TMEM272: variants seen among roughly 807,000 people sequenced by gnomAD.
TMEM272 encodes the protein transmembrane protein 272.
TMEM272 carries 8 observed loss-of-function variants against 3.7 expected under a neutral mutation model. The observed-to-expected ratio is 2.17, with a 90% CI of 1.27 to 3.91. The LOEUF is 3.91. Among genes scored for constraint, TMEM272 ranks in the 30% most tolerant of loss-of-function variants. TMEM272 has a pLI of 0.00. For synonymous variants in TMEM272, 63 were observed against 39.8 expected, an observed-to-expected ratio of 1.58 and a Z score of -2.20; for missense variants, 166 against 91.5, an observed-to-expected ratio of 1.81 and a Z score of -3.32.
the TMEM272 span, among the ~76,000 whole-genome samples, chr13:51,888,885 T>TG: frequency 6.6e-6 from 1 of 152,094 alleles, no homozygotes. Context: ...GACCTCGTGA[T>TG]CCACCCAGCT....
intron 3 of TMEM272, among the ~76,000 whole-genome samples, chr13:51,824,558 A>G (rs1956107055): frequency 1.3e-5 from 2 of 152,270 alleles, no homozygotes; most frequent in African/African-American, 4.8e-5. Context: ...TCCGCAGTGG[A>G]TGTGGTGATT....
At chr13:51,861,044 G>C in the TMEM272 span, among the ~76,000 whole-genome samples, 6 of 152,060 alleles carry the variant, frequency 3.9e-5, no homozygotes, top group Non-Finnish European at 8.8e-5. Flanking sequence ...TCACAAGATA[G>C]ATGAAACTGG....
At chr13:51,823,782 G>A (rs1956100247) in intron 3 of TMEM272, among the ~76,000 whole-genome samples, 1 of 152,192 alleles carries the variant, frequency 6.6e-6, no homozygotes, top group Admixed American at 6.5e-5. Context: ...GGAGTAAACT[G>A]TTTTTCTATG....
Position 51,822,148 on chromosome 13 carries a change from C to A in TMEM272, c.119-11G>T. On this transcript the variant is annotated splice_polypyrimidine_tract_variant and intron_variant, in intron 3 of 4. Transcript: ENST00000629372. ...CCAAAAATTTCATTCCTACATAGGG[C>A]AAACAGAAGAGGATTGAGAGAAATA... The A allele has an allele frequency of 1.4e-6, 1 of 691,782 alleles. No homozygotes were observed. 42.9% of individuals were successfully genotyped at this position (691,782 alleles called of 1,614,324 possible).
chr13:51,898,891 A>G, the TMEM272 span, among the ~76,000 whole-genome samples: 1 of 151,980 alleles, frequency 6.6e-6, no homozygotes, highest in Non-Finnish European at 1.5e-5. Context: ...CCTGCCTGTC[A>G]TTCCTCCTCA....
chr13:51,923,417 G>T, the TMEM272 span, among the ~76,000 whole-genome samples: 1 of 152,168 alleles, frequency 6.6e-6, no homozygotes, highest in South Asian at 2.1e-4. Context: ...GGAATGGGTG[G>T]CTTGTTAAGG....
At chr13:51,924,776 C>T in the TMEM272 span, among the ~76,000 whole-genome samples, 1 of 152,194 alleles carries the variant, frequency 6.6e-6, no homozygotes, top group South Asian at 2.1e-4. Flanking sequence ...TCATGCACCA[C>T]CTGGACCATA....
At chr13:51,873,621 T>A in the TMEM272 span, among the ~76,000 whole-genome samples, 1 of 152,212 alleles carries the variant, frequency 6.6e-6, no homozygotes, top group Admixed American at 6.5e-5. Flanking sequence ...AGTGTCTAAT[T>A]CCCTTGTGAT....
intron 3 of TMEM272, among the ~76,000 whole-genome samples, chr13:51,825,180 A>T (rs1056818331): frequency 6.6e-6 from 1 of 152,126 alleles, no homozygotes; most frequent in Non-Finnish European, 1.5e-5. Context: ...AAGTGATTGA[A>T]TTGTTCACTC....
chr13:51,835,303 C>T (rs1307770685), intron 2 of TMEM272, among the ~76,000 whole-genome samples: 1 of 151,718 alleles, frequency 6.6e-6, no homozygotes, highest in African/African-American at 2.4e-5. Context: ...CGGCTCACTG[C>T]AACCTCCACC....
the TMEM272 span, chr13:51,862,352 A>G: frequency 6.6e-6 from 1 of 152,248 alleles, no homozygotes; most frequent in Non-Finnish European, 1.5e-5. Flanking sequence ...ATGTATCTTT[A>G]GTGCATGTTT....
In TMEM272 at chr13:51,838,460, AG is replaced by A; in HGVS notation, c.58+12del. ...CCTACAAAACCAGGGCATTTCTCAG[AG>A]TTGTGACTCACCATTGCTGGCGATT... is the stretch of plus-strand genomic sequence containing the variant. On this transcript the variant is annotated intron_variant, in intron 2 of 4. Coordinates refer to ENST00000629372, the MANE Select transcript of TMEM272 (RefSeq NM_001351003.2). 1.4e-6 allele frequency: 1 copy of A among 703,018 alleles called. No homozygotes were observed. Among genetic ancestry groups the A allele is most frequent in the East Asian group, 2.7e-5 (1 of 37,296 alleles). 43.5% of individuals were successfully genotyped at this position (703,018 alleles called of 1,614,324 possible).
At chr13:51,901,423 T>C in the TMEM272 span, among the ~76,000 whole-genome samples, 1 of 151,992 alleles carries the variant, frequency 6.6e-6, no homozygotes, top group Non-Finnish European at 1.5e-5. Flanking sequence ...TGGAGCTGCC[T>C]GTGCCCCACC....
the TMEM272 span, among the ~76,000 whole-genome samples, chr13:51,925,321 A>G: frequency 6.6e-6 from 1 of 152,332 alleles, no homozygotes. Flanking sequence ...CAGCTTTCTG[A>G]TAATTTCTCC....
rs191824408 is a variant in TMEM272, at chr13:51,842,752, A to G, written c.-24+2264T>C. On this transcript the variant is annotated intron_variant, in intron 1 of 4. Transcript: ENST00000629372. ...TGACATAAGCATTCTTTCTGTTACCATTTGGTCTTCAGAACTCTCATTTTC... is the reference window on the plus strand; with the variant it reads ...TGACATAAGCATTCTTTCTGTTACCGTTTGGTCTTCAGAACTCTCATTTTC... 4.9e-4 allele frequency among the ~76,000 whole-genome samples: 75 copies of G among 152,312 alleles called. 1 individual carries two copies. In the South Asian group the frequency reaches 5.6e-3, roughly 11 times the overall value.
the TMEM272 span, among the ~76,000 whole-genome samples, chr13:51,863,582 C>T: frequency 3.3e-5 from 5 of 151,740 alleles, no homozygotes; most frequent in African/African-American, 9.7e-5. Context: ...AAGGATGTGC[C>T]CCTGGTTCTG....
At chr13:51,906,823 A>G in the TMEM272 span, among the ~76,000 whole-genome samples, 2 of 152,342 alleles carry the variant, frequency 1.3e-5, no homozygotes, top group East Asian at 3.9e-4. Context: ...TCCTGGACAA[A>G]CATCCAACTG....
At chr13:51,917,844 C>T in the TMEM272 span, among the ~76,000 whole-genome samples, 1 of 152,158 alleles carries the variant, frequency 6.6e-6, no homozygotes, top group Non-Finnish European at 1.5e-5. Flanking sequence ...CAGGGAGTTC[C>T]GAATTCTCAC....
the TMEM272 span, among the ~76,000 whole-genome samples, chr13:51,883,329 G>A: frequency 2.0e-5 from 3 of 152,328 alleles, no homozygotes; most frequent in South Asian, 2.1e-4. Flanking sequence ...CCATTCAGCA[G>A]GTTTCAGGTT....
Sources: gnomAD v4.1 joint callset for allele counts (sites outside exome capture counted in the v4.1 genomes callset) on GRCh38, gnomAD v4.1.1 for gene constraint, MANE v1.5 for transcripts, NCBI Gene and HGNC (gene_info 2026-07-23, HGNC 2026-07-21) for gene names.